KCND2: variants seen among roughly 807,000 people sequenced by gnomAD.
KCND2 encodes potassium voltage-gated channel subfamily D member 2.
KCND2 carries 16 observed loss-of-function variants against 54.4 expected under a neutral mutation model. The observed-to-expected ratio is 0.29, with a 90% confidence interval of 0.20 to 0.45. The LOEUF is 0.45. Among genes scored for constraint, KCND2 ranks in the 20% least tolerant of loss-of-function variants. The pLI, the probability that KCND2 is intolerant of heterozygous loss-of-function variation, is 1.00. For synonymous variants in KCND2, 317 were observed against 310.7 expected, an observed-to-expected ratio of 1.02 and a Z score of -0.21; for missense variants, 486 against 824.2, an observed-to-expected ratio of 0.59 and a Z score of 5.02.
At chr7:120,656,219 G>A (rs933871708) in intron 1 of KCND2, among the ~76,000 whole-genome samples, 1 of 152,036 alleles carries the variant, frequency 6.6e-6, no homozygotes, top group African/African-American at 2.4e-5. Flanking sequence ...CATCAGTTGT[G>A]ATATACTTAT....
intron 1 of KCND2, among the ~76,000 whole-genome samples, chr7:120,632,423 C>CT (rs997550272): frequency 1.6e-4 from 25 of 152,178 alleles, no homozygotes; most frequent in African/African-American, 5.5e-4. Flanking sequence ...ACAGTTACTA[C>CT]TTTTTTTAGA....
At chr7:120,554,881 C>G (rs1792145105) in intron 1 of KCND2, among the ~76,000 whole-genome samples, 1 of 152,132 alleles carries the variant, frequency 6.6e-6, no homozygotes, top group Admixed American at 6.6e-5. Flanking sequence ...TCCTTCTTTG[C>G]AGTTACCTGA....
intron 1 of KCND2, among the ~76,000 whole-genome samples, chr7:120,288,906 T>C (rs1245881869): frequency 2.0e-5 from 3 of 152,078 alleles, no homozygotes; most frequent in Admixed American, 6.6e-5. Flanking sequence ...TGAGGTTAGT[T>C]AGATGATGCG....
chr7:120,524,150 G>A (rs1358999377), intron 1 of KCND2, among the ~76,000 whole-genome samples: 1 of 151,810 alleles, frequency 6.6e-6, no homozygotes, highest in African/African-American at 2.4e-5. Flanking sequence ...CAGAAGAATC[G>A]CCGGAACCCG....
At chr7:120,660,139 T>C (rs117230111) in intron 1 of KCND2, among the ~76,000 whole-genome samples, 1,911 of 152,306 alleles carry the variant, frequency 0.013, 11 homozygotes, top group Non-Finnish European at 0.018. Context: ...GACTTACTGC[T>C]ACTTTCAAAT....
At chr7:120,533,325 C>T (rs1183691607) in intron 1 of KCND2, among the ~76,000 whole-genome samples, 1 of 152,046 alleles carries the variant, frequency 6.6e-6, no homozygotes, top group Non-Finnish European at 1.5e-5. Context: ...AAAGCCAGCT[C>T]AAATTTTATT....
At chr7:120,367,285 C>T (rs932490135) in intron 1 of KCND2, among the ~76,000 whole-genome samples, 24 of 151,936 alleles carry the variant, frequency 1.6e-4, no homozygotes, top group East Asian at 1.2e-3. Context: ...AGTTATGAAG[C>T]GAAGCAAAAT....
At chr7:120,601,963 A>C (rs1792819065) in intron 1 of KCND2, among the ~76,000 whole-genome samples, 1 of 152,198 alleles carries the variant, frequency 6.6e-6, no homozygotes, top group Admixed American at 6.5e-5. Context: ...TGGATAAAGG[A>C]AATCTTCAAA....
rs1793054416 is a variant in KCND2 at position 120,750,181 on chromosome 7, A to T, written c.*2323A>T. On this transcript the variant is annotated 3_prime_UTR_variant, in exon 6 of 6. Coordinates refer to ENST00000331113, the MANE Select transcript of KCND2 (RefSeq NM_012281.3). ...AAGTGAAATGTAATTATTTCTGTGTACCATATGGAGTAACTAAGGTCATTG... is the reference window on the plus strand; with the variant it reads ...AAGTGAAATGTAATTATTTCTGTGTTCCATATGGAGTAACTAAGGTCATTG... The T allele has an allele frequency of 6.6e-6, 1 of 152,428 alleles. No homozygotes were observed. Among genetic ancestry groups the T allele is most frequent in the African/African-American group, 2.4e-5 (1 of 41,450 alleles). 9.4% of individuals were successfully genotyped at this position (152,428 alleles called of 1,614,324 possible). A position where few individuals can be genotyped will look rare whatever the true frequency, so the allele number is the denominator to read the frequency against.
intron 1 of KCND2, among the ~76,000 whole-genome samples, chr7:120,297,095 T>C (rs1799522274): frequency 6.6e-6 from 1 of 152,046 alleles, no homozygotes; most frequent in Non-Finnish European, 1.5e-5. Flanking sequence ...AGCAATGAAA[T>C]CTGGGCACTT....
intron 2 of KCND2, among the ~76,000 whole-genome samples, chr7:120,737,086 A>C (rs796901477): frequency 3.3e-5 from 5 of 149,686 alleles, no homozygotes; most frequent in Admixed American, 6.7e-5. Flanking sequence ...AAACAAAAAA[A>C]AAAAAAACAA....
chr7:120,423,688 C>T (rs1329215298), intron 1 of KCND2, among the ~76,000 whole-genome samples: 1 of 152,190 alleles, frequency 6.6e-6, no homozygotes, highest in Non-Finnish European at 1.5e-5. Flanking sequence ...GGAATTATTT[C>T]TGTCTCTGGA....
intron 1 of KCND2, among the ~76,000 whole-genome samples, chr7:120,724,855 A>G (rs1181220797): frequency 6.6e-6 from 1 of 152,166 alleles, no homozygotes; most frequent in Non-Finnish European, 1.5e-5. Context: ...AAAAATCATA[A>G]TTTTATAAAA....
chr7:120,722,808 T>C (rs1792685094), intron 1 of KCND2, among the ~76,000 whole-genome samples: 1 of 152,186 alleles, frequency 6.6e-6, no homozygotes. Context: ...CCCCTAAGGC[T>C]GGCACTGCAG....
intron 1 of KCND2, among the ~76,000 whole-genome samples, chr7:120,287,478 A>C (rs1434572328): frequency 1.3e-5 from 2 of 152,094 alleles, no homozygotes; most frequent in Non-Finnish European, 2.9e-5. Context: ...ATCAAATATA[A>C]GAACCACTGA....
chr7:120,517,581 G>C (rs1200437070), intron 1 of KCND2, among the ~76,000 whole-genome samples: 1 of 152,018 alleles, frequency 6.6e-6, no homozygotes, highest in Non-Finnish European at 1.5e-5. Flanking sequence ...ACCTCTCAGT[G>C]TACAAAGTAA....
At chr7:120,508,257 C>T (rs1225645326) in intron 1 of KCND2, among the ~76,000 whole-genome samples, 2 of 151,948 alleles carry the variant, frequency 1.3e-5, no homozygotes, top group Admixed American at 6.6e-5. Context: ...TTGCTGATGT[C>T]TAGAGTTTAA....
chr7:120,683,108 G>A (rs79762185), intron 1 of KCND2, among the ~76,000 whole-genome samples: 1 of 152,224 alleles, frequency 6.6e-6, no homozygotes, highest in East Asian at 1.9e-4. Context: ...ACAATATATT[G>A]ATTTATCTCA....
chr7:120,747,943 T>C lies in KCND2; in HGVS notation c.*85T>C, dbSNP rs945795865. Reference sequence around the variant, plus strand: ...AGAAGAAAGAAGAAACAATAAATATTCTGCAGATTAATGCAGCAAAGAAAG... The same window carrying C: ...AGAAGAAAGAAGAAACAATAAATATCCTGCAGATTAATGCAGCAAAGAAAG... On this transcript the variant is annotated 3_prime_UTR_variant, in exon 6 of 6. Transcript: ENST00000331113. The C allele has an allele frequency of 3.5e-5, 38 of 1,097,856 alleles. No individual in the cohort carries two copies. The African/African-American group carries it at 5.0e-4, about 15-fold the overall frequency. 68.0% of individuals were successfully genotyped at this position (1,097,856 alleles called of 1,614,324 possible). A position where few individuals can be genotyped will look rare whatever the true frequency, so the allele number is the denominator to read the frequency against.
Sources: gnomAD v4.1 joint callset for allele counts (sites outside exome capture counted in the v4.1 genomes callset) on GRCh38, gnomAD v4.1.1 for gene constraint, MANE v1.5 for transcripts, NCBI Gene and HGNC (gene_info 2026-07-23, HGNC 2026-07-21) for gene names.